Variants in ADGRL4 observed in about 807,000 individuals in gnomAD.
ADGRL4 encodes adhesion G protein-coupled receptor L4, also known as EGF, latrophilin and seven transmembrane domain containing 1.
ADGRL4 carries 90 observed loss-of-function variants against 74.8 expected under a neutral mutation model. The observed-to-expected ratio is 1.20, with a 90% CI of 1.02 to 1.43. The LOEUF (loss-of-function observed/expected upper bound fraction) is 1.43, where lower values mean the gene tolerates loss of function less well. ADGRL4 is among the 40% of genes most tolerant of loss of function. The probability of loss-of-function intolerance (pLI) is 0.00; values close to 1 mark genes in which losing one functional copy is unlikely to be tolerated. For synonymous variants in ADGRL4, 311 were observed against 279.2 expected (o/e 1.11, Z -1.14); for missense variants, 881 against 814.3 (o/e 1.08, Z -1.00).
chr1:78,971,634 G>A (rs780813261), intron 2 of ADGRL4, among the ~76,000 whole-genome samples: 19 of 152,182 alleles, frequency 1.2e-4, no homozygotes, highest in Admixed American at 6.5e-5. Context: ...TGTCATGGCC[G>A]TGTGGCAAAG....
At chr1:78,937,435 A>C (rs1649378376) in intron 6 of ADGRL4, among the ~76,000 whole-genome samples, 1 of 152,216 alleles carries the variant, frequency 6.6e-6, no homozygotes, top group Admixed American at 6.5e-5. Flanking sequence ...ACAGAGCCAG[A>C]CTTTGTCTTT....
intron 2 of ADGRL4, among the ~76,000 whole-genome samples, chr1:78,995,894 T>C (rs991780407): frequency 3.9e-5 from 6 of 152,168 alleles, no homozygotes; most frequent in Admixed American, 2.0e-4. Flanking sequence ...AAATTTATTA[T>C]TAGAGAATCT....
At chr1:78,951,878 C>A (rs1313930877) in intron 2 of ADGRL4, among the ~76,000 whole-genome samples, 1 of 152,088 alleles carries the variant, frequency 6.6e-6, no homozygotes, top group African/African-American at 2.4e-5. Flanking sequence ...AAAGAGCGAG[C>A]ATATAATTCT....
chr1:78,975,900 C>T (rs1201106615), intron 2 of ADGRL4, among the ~76,000 whole-genome samples: 1 of 151,598 alleles, frequency 6.6e-6, no homozygotes, highest in Non-Finnish European at 1.5e-5. Context: ...GTAGCAGCAA[C>T]AAAAACAATC....
In ADGRL4 at chr1:78,920,193, T is replaced by A. The variant is rs751140928; in HGVS notation, c.1451A>T (p.Asn484Ile). 6 of 1,610,550 alleles carry A rather than the reference T, an allele frequency of 3.7e-6. No homozygotes were observed. In the South Asian group the frequency reaches 6.6e-5, roughly 18 times the overall value. ...AGGATGCCTACATACCTTATTAGTA[T>A]TTGTATTGATCCCAACAAGAAAAAC... ...ELVFLVGINT[N>I]TNKLFCSIIA... Residue 484 changes from asparagine (N) to isoleucine (I), a missense_variant, in exon 10 of 15, where the codon AAT becomes ATT. By Grantham distance (149) the Asn-to-Ile change is moderately radical. Transcript: ENST00000370742.
intron 9 of ADGRL4, among the ~76,000 whole-genome samples, chr1:78,920,861 T>C (rs116710061): frequency 0.013 from 1,967 of 151,952 alleles, 44 homozygotes; most frequent in African/African-American, 0.045. Flanking sequence ...AACTTTGAAA[T>C]AGAAAATGCT....
chr1:78,984,859 A>G (rs1220475062), intron 2 of ADGRL4, among the ~76,000 whole-genome samples: 1 of 151,756 alleles, frequency 6.6e-6, no homozygotes, highest in Non-Finnish European at 1.5e-5. Flanking sequence ...GACTCATGGT[A>G]GAACAGAATG....
At chr1:78,986,654 A>G (rs767495230) in intron 2 of ADGRL4, among the ~76,000 whole-genome samples, 1 of 151,728 alleles carries the variant, frequency 6.6e-6, no homozygotes, top group Non-Finnish European at 1.5e-5. Context: ...AAAGCAATAT[A>G]CATTACTTTT....
At chr1:78,923,267 C>T (rs1397824144) in intron 8 of ADGRL4, among the ~76,000 whole-genome samples, 6 of 152,022 alleles carry the variant, frequency 3.9e-5, no homozygotes, top group African/African-American at 1.2e-4. Flanking sequence ...ACACACTGGT[C>T]TCCCATCATG....
At chr1:78,941,220 C>A (rs1362369289) in intron 3 of ADGRL4, among the ~76,000 whole-genome samples, 1 of 152,156 alleles carries the variant, frequency 6.6e-6, no homozygotes, top group Non-Finnish European at 1.5e-5. Flanking sequence ...TCAAGGAAAG[C>A]ATTCTAGGCT....
chr1:78,912,558 T>G (rs956884169), intron 12 of ADGRL4, among the ~76,000 whole-genome samples: 1 of 151,830 alleles, frequency 6.6e-6, no homozygotes, highest in Non-Finnish European at 1.5e-5. Context: ...TTACCCCTCC[T>G]CAACAATCTG....
chr1:78,943,963 A>G (rs981353332), intron 3 of ADGRL4, among the ~76,000 whole-genome samples: 1 of 152,192 alleles, frequency 6.6e-6, no homozygotes, highest in African/African-American at 2.4e-5. Context: ...AATTAGCACA[A>G]ACTCAGGCCC....
intron 2 of ADGRL4, among the ~76,000 whole-genome samples, chr1:78,985,478 C>T (rs1650474469): frequency 6.6e-6 from 1 of 151,704 alleles, no homozygotes; most frequent in African/African-American, 2.4e-5. Context: ...CTTATTTGAT[C>T]AATTTAAGAA....
intron 2 of ADGRL4, among the ~76,000 whole-genome samples, chr1:79,003,366 T>C (rs757220559): frequency 2.7e-5 from 4 of 150,716 alleles, no homozygotes; most frequent in Non-Finnish European, 5.9e-5. Context: ...ATAATAAACA[T>C]CAAAACAAGT....
intron 8 of ADGRL4, among the ~76,000 whole-genome samples, chr1:78,923,281 T>C (rs575463621): frequency 8.5e-5 from 13 of 152,112 alleles, no homozygotes; most frequent in Middle Eastern, 6.8e-3. Context: ...CATCATGCCC[T>C]ACCACATTTT....
Position 78,920,272 on chromosome 1 carries a change from T to C in ADGRL4, c.1372A>G (p.Thr458Ala). The part of the protein sequence containing the change: ...TFWFFSEIQS[T>A]RTTIHKNLCC... ...AGATTTTTGTGAATTGTTGTCCTGG[T>C]GCTTTGAATTTCACTGAAGAACCAG... The change falls in exon 10 of 15, where the codon ACC becomes GCC. Residue 458 changes from threonine to alanine, a missense_variant. Physicochemically the swap from Thr to Ala is moderately conservative, Grantham distance 58 (BLOSUM62 0). Coordinates refer to ENST00000370742, the MANE Select transcript of ADGRL4 (RefSeq NM_022159.4). The C allele has an allele frequency of 6.2e-7, 1 of 1,612,166 alleles. No homozygotes were observed.
At chr1:78,915,539 G>C (rs1267734178) in intron 12 of ADGRL4, among the ~76,000 whole-genome samples, 1 of 151,772 alleles carries the variant, frequency 6.6e-6, no homozygotes, top group Non-Finnish European at 1.5e-5. Flanking sequence ...TTCTAATAGA[G>C]AACATTGTCC....
rs1468826722 is a variant in ADGRL4 at position 78,946,397 on chromosome 1, A to G, written c.202T>C (p.Ser68Pro). The G allele has an allele frequency of 4.3e-6, 7 of 1,612,092 alleles. No individual in the cohort carries two copies. The highest frequency in any genetic ancestry group is 5.9e-6 in the Non-Finnish European group (7 of 1,179,082). The change falls in exon 3 of 15, where the codon TCC becomes CCC. Residue 68 changes from serine to proline, a missense_variant. By Grantham distance (74) the Ser-to-Pro change is moderately conservative. Coordinates refer to ENST00000370742, the MANE Select transcript of ADGRL4 (RefSeq NM_022159.4). ...GTGCAATTAGCATTTTCGCCACAGG[A>G]CTGAGTTAAATTTCCACATTCATTA... ...DDNECGNLTQ[S>P]CGENANCTNT... is the part of the protein sequence containing the mutation.
At chr1:78,929,551 ACCT>A (rs1374160827) in intron 7 of ADGRL4, among the ~76,000 whole-genome samples, 5 of 151,076 alleles carry the variant, frequency 3.3e-5, no homozygotes, top group Non-Finnish European at 7.4e-5. Flanking sequence ...TGCTGCATAG[ACCT>A]CCTATATTTT....
Sources: allele counts gnomAD v4.1 joint callset (sites outside exome capture counted in the v4.1 genomes callset), GRCh38; gene constraint gnomAD v4.1.1; transcripts MANE v1.5; gene names NCBI Gene and HGNC (gene_info 2026-07-23, HGNC 2026-07-21).